The following TENM3 variants were observed in gnomAD, a reference collection of about 807,000 sequenced individuals.
TENM3 encodes teneurin transmembrane protein 3.
Under a neutral mutation model 255.1 loss-of-function variants are expected in TENM3, and 63 were observed. That is an observed-to-expected ratio of 0.25 (90% confidence interval 0.20 to 0.30). The LOEUF (loss-of-function observed/expected upper bound fraction) is 0.30. Ranked by LOEUF, TENM3 falls within the 10% of genes least tolerant of loss-of-function variation. TENM3 has a pLI of 1.00. For synonymous variants in TENM3, 1,306 were observed against 1,322.3 expected (o/e 0.99, Z 0.27); for missense variants, 2,929 against 3,461.1 (o/e 0.85, Z 3.86).
chr4:181,703,079 G>A, the TENM3 span, among the ~76,000 whole-genome samples: 2 of 152,318 alleles, frequency 1.3e-5, no homozygotes, highest in Non-Finnish European at 1.5e-5. Flanking sequence ...TCAGTATCTT[G>A]ATGAGGATCA....
chr4:182,019,285 C>T, the TENM3 span, among the ~76,000 whole-genome samples: 1 of 152,208 alleles, frequency 6.6e-6, no homozygotes, highest in Non-Finnish European at 1.5e-5. Flanking sequence ...CCCTCTGAGT[C>T]ATGCTGGCTG....
intron 3 of TENM3, among the ~76,000 whole-genome samples, chr4:182,591,517 T>C (rs1475380068): frequency 2.0e-5 from 3 of 152,226 alleles, no homozygotes; most frequent in African/African-American, 4.8e-5. Context: ...TTAAGAACAA[T>C]AGTGTTTACT....
intron 4 of TENM3, among the ~76,000 whole-genome samples, chr4:182,621,092 A>G (rs1750084457): frequency 6.6e-6 from 1 of 151,664 alleles, no homozygotes; most frequent in South Asian, 2.1e-4. Context: ...GAGGCAGGAG[A>G]ATGGCGTGAA....
intron 3 of TENM3, among the ~76,000 whole-genome samples, chr4:182,360,381 C>T (rs1326453044): frequency 1.5e-5 from 2 of 132,776 alleles, no homozygotes; most frequent in Non-Finnish European, 3.2e-5. Flanking sequence ...TCACTCAGGA[C>T]TTGCTTTATG....
the TENM3 span, among the ~76,000 whole-genome samples, chr4:181,689,177 AT>A: frequency 1.3e-5 from 2 of 152,192 alleles, no homozygotes; most frequent in African/African-American, 4.8e-5. Flanking sequence ...CAATACCTAT[AT>A]TTAGAATTCA....
intron 1 of TENM3, among the ~76,000 whole-genome samples, chr4:182,233,560 G>A (rs1260119113): frequency 6.6e-6 from 1 of 152,184 alleles, no homozygotes; most frequent in African/African-American, 2.4e-5. Context: ...TATGGAAGAG[G>A]ACATTCTGGA....
chr4:181,948,800 G>A, the TENM3 span, among the ~76,000 whole-genome samples: 1 of 152,120 alleles, frequency 6.6e-6, no homozygotes, highest in African/African-American at 2.4e-5. Flanking sequence ...CTTCACCCCA[G>A]TGCAAAGGAA....
chr4:181,718,858 A>G, the TENM3 span, among the ~76,000 whole-genome samples: 5 of 152,322 alleles, frequency 3.3e-5, no homozygotes, highest in African/African-American at 1.2e-4. Context: ...TTAAAGGTCC[A>G]GTAAAACAGA....
chr4:181,532,930 G>T, the TENM3 span, among the ~76,000 whole-genome samples: 1 of 151,900 alleles, frequency 6.6e-6, no homozygotes, highest in African/African-American at 2.4e-5. Context: ...ATTGTTTTTA[G>T]GTATTAAAAG....
the TENM3 span, among the ~76,000 whole-genome samples, chr4:181,954,535 T>A: frequency 6.6e-6 from 1 of 152,194 alleles, no homozygotes; most frequent in African/African-American, 2.4e-5. Context: ...CCTGAGCTTT[T>A]AAAAATGTGT....
intron 1 of TENM3, among the ~76,000 whole-genome samples, chr4:182,159,070 C>G: frequency 6.6e-6 from 1 of 152,114 alleles, no homozygotes; most frequent in East Asian, 1.9e-4. Context: ...CGTCTCTGAC[C>G]CTTATTTCTT....
intron 3 of TENM3, among the ~76,000 whole-genome samples, chr4:182,446,511 G>C (rs1477334243): frequency 6.6e-6 from 1 of 152,118 alleles, no homozygotes; most frequent in Non-Finnish European, 1.5e-5. Flanking sequence ...TTCCATTAGT[G>C]TGCTTATCTT....
In TENM3 at chr4:182,792,504, G is replaced by A. The variant is rs1579532811; in HGVS notation, c.5832G>A (p.Arg1944=). ...AAACAGCTTTCTTGGGTACAAGTCG[G>A]AGGGTCTTATTCAAATACAGAAGGC... ...LLQTAFLGTS[R]RVLFKYRRQT... The change falls in exon 26 of 28, where the codon CGG becomes CGA. Residue 1944 remains arginine, a synonymous_variant. Coordinates refer to ENST00000511685, the MANE Select transcript of TENM3 (RefSeq NM_001080477.4). The surrounding 1 kb of genome is among the most constrained non-coding windows in gnomAD (Gnocchi z 6.3). 1 of 1,614,034 alleles carries A rather than the reference G, an allele frequency of 6.2e-7. No individual in the cohort carries two copies. The highest frequency in any genetic ancestry group is 8.5e-7 in the Non-Finnish European group (1 of 1,179,900).
the TENM3 span, among the ~76,000 whole-genome samples, chr4:181,994,557 T>G: frequency 6.7e-6 from 1 of 149,058 alleles, no homozygotes; most frequent in Non-Finnish European, 1.5e-5. Flanking sequence ...TTTGTGGGTT[T>G]TTTTTTTTTT....
the TENM3 span, among the ~76,000 whole-genome samples, chr4:181,917,293 C>T: frequency 1.3e-5 from 2 of 152,144 alleles, no homozygotes; most frequent in African/African-American, 4.8e-5. Flanking sequence ...AAAAGTAGAA[C>T]AGTGTAAAAG....
chr4:181,812,088 AG>A, the TENM3 span, among the ~76,000 whole-genome samples: 2 of 152,176 alleles, frequency 1.3e-5, no homozygotes, highest in Non-Finnish European at 2.9e-5. Flanking sequence ...TCTTGCCACT[AG>A]GAACTAAGAG....
At chr4:182,395,164 A>G (rs551144145) in intron 3 of TENM3, among the ~76,000 whole-genome samples, 19 of 152,318 alleles carry the variant, frequency 1.2e-4, no homozygotes, top group African/African-American at 4.1e-4. Flanking sequence ...GACAATTCTT[A>G]ACACATGGAT....
chr4:181,549,929 A>G, the TENM3 span, among the ~76,000 whole-genome samples: 1 of 146,206 alleles, frequency 6.8e-6, no homozygotes, highest in Admixed American at 6.7e-5. Flanking sequence ...TTTAAAAACC[A>G]TACAGTTTTT....
At chr4:182,465,327 C>G (rs531088634) in intron 3 of TENM3, among the ~76,000 whole-genome samples, 17 of 152,040 alleles carry the variant, frequency 1.1e-4, no homozygotes, top group Admixed American at 3.9e-4. Flanking sequence ...GATTAGGTCC[C>G]GAGGACTTCA....
Sources: allele counts gnomAD v4.1 joint callset (sites outside exome capture counted in the v4.1 genomes callset), GRCh38; gene constraint gnomAD v4.1.1; non-coding constraint Gnocchi (gnomAD v3.1); transcripts MANE v1.5; gene names NCBI Gene and HGNC (gene_info 2026-07-23, HGNC 2026-07-21).